The following THSD7B variants were observed in gnomAD, a reference collection of about 807,000 sequenced individuals.
THSD7B encodes the protein thrombospondin type-1 domain-containing protein 7B.
In THSD7B, 138 loss-of-function variants were observed where a neutral mutation model predicts 213.6. That is an observed-to-expected ratio of 0.65 (90% CI 0.56 to 0.74). THSD7B has a LOEUF of 0.74. Among genes scored for constraint, THSD7B ranks in the 30% least tolerant of loss-of-function variants. The pLI is 0.00. For synonymous variants in THSD7B, 742 were observed against 687.0 expected (o/e 1.08, Z -1.25); for missense variants, 1,931 against 1,991.5 (o/e 0.97, Z 0.58).
At chr2:136,769,769 C>T (rs1422233836) in intron 1 of THSD7B, among the ~76,000 whole-genome samples, 3 of 152,112 alleles carry the variant, frequency 2.0e-5, no homozygotes, top group African/African-American at 7.2e-5. Flanking sequence ...AAGAGGTCCA[C>T]CTACTAGAAA....
intron 12 of THSD7B, among the ~76,000 whole-genome samples, chr2:137,360,131 C>G (rs530690098): frequency 1.3e-5 from 2 of 152,104 alleles, no homozygotes; most frequent in Non-Finnish European, 2.9e-5. Context: ...GTAACAGGGT[C>G]CTCGGAAACC....
chr2:137,675,855 G>T (rs72844597), intron 27 of THSD7B, among the ~76,000 whole-genome samples: 10,898 of 152,110 alleles, frequency 0.072, 564 homozygotes, highest in South Asian at 0.16. Context: ...TACAAGTTAA[G>T]ATTTCCCCAT....
chr2:136,817,118 A>T (rs543941870), intron 1 of THSD7B, among the ~76,000 whole-genome samples: 1 of 152,220 alleles, frequency 6.6e-6, no homozygotes, highest in African/African-American at 2.4e-5. Flanking sequence ...TAGCAGTAAC[A>T]TGCTGACCGG....
chr2:137,567,396 T>A (rs1412169336), intron 16 of THSD7B, among the ~76,000 whole-genome samples: 1 of 151,980 alleles, frequency 6.6e-6, no homozygotes, highest in African/African-American at 2.4e-5. Context: ...TGAACTCTTG[T>A]CCTCAAGTGA....
intron 2 of THSD7B, among the ~76,000 whole-genome samples, chr2:137,017,556 T>C (rs62170961): frequency 0.089 from 13,483 of 152,164 alleles, 619 homozygotes; most frequent in Middle Eastern, 0.12. Flanking sequence ...ACAGGGATGA[T>C]ATTTGGGTTG....
chr2:137,393,820 CTGT>C (rs1490936166), intron 12 of THSD7B, among the ~76,000 whole-genome samples: 6 of 141,464 alleles, frequency 4.2e-5, no homozygotes, highest in Non-Finnish European at 7.9e-5. Context: ...TCTCCAGCAC[CTGT>C]TGTTTCCTGA....
chr2:136,964,335 G>A (rs1430415155), intron 2 of THSD7B, among the ~76,000 whole-genome samples: 1 of 152,090 alleles, frequency 6.6e-6, no homozygotes, highest in Non-Finnish European at 1.5e-5. Flanking sequence ...TGAGGCAGGA[G>A]GATTGCCCGA....
At chr2:137,151,211 T>C (rs1679812668) in intron 5 of THSD7B, among the ~76,000 whole-genome samples, 1 of 152,248 alleles carries the variant, frequency 6.6e-6, no homozygotes, top group Admixed American at 6.5e-5. Context: ...CTTTTAACTC[T>C]TTTGTTATTA....
chr2:137,616,180 C>G lies in THSD7B; in HGVS notation c.3429C>G (p.Cys1143Trp). ...WGLWSKCPQS[C>W]DPHTMQRRTR... ...TCCTACTCTGATTTTAATAGTCATG[C>G]GATCCCCACACAATGCAGAGAAGAA... The change falls in exon 18 of 28, where the codon TGC becomes TGG. Residue 1143 changes from cysteine to tryptophan, a missense_variant. Cys to Trp is a radical substitution (Grantham distance 215). Coordinates refer to ENST00000409968, the MANE Select transcript of THSD7B (RefSeq NM_001316349.2). 1 of 1,611,032 alleles carries G rather than the reference C, an allele frequency of 6.2e-7. No homozygotes were observed. The highest frequency in any genetic ancestry group is 8.5e-7 in the Non-Finnish European group (1 of 1,178,954).
At chr2:136,841,630 A>G (rs569650267) in intron 1 of THSD7B, among the ~76,000 whole-genome samples, 1 of 151,842 alleles carries the variant, frequency 6.6e-6, no homozygotes, top group Non-Finnish European at 1.5e-5. Context: ...AGAAAAAGAA[A>G]TGATAAAAAT....
At chr2:137,489,077 C>G (rs1688543067) in intron 15 of THSD7B, among the ~76,000 whole-genome samples, 1 of 152,106 alleles carries the variant, frequency 6.6e-6, no homozygotes, top group Non-Finnish European at 1.5e-5. Flanking sequence ...GTCTGTTATG[C>G]TAACAAATAG....
chr2:136,957,959 A>T (rs553069798), intron 2 of THSD7B, among the ~76,000 whole-genome samples: 1 of 152,298 alleles, frequency 6.6e-6, no homozygotes, highest in East Asian at 1.9e-4. Context: ...TAAAATAGTT[A>T]TTTGTATGTA....
intron 17 of THSD7B, among the ~76,000 whole-genome samples, chr2:137,615,089 T>C (rs1682359125): frequency 6.6e-6 from 1 of 152,140 alleles, no homozygotes; most frequent in Non-Finnish European, 1.5e-5. Flanking sequence ...GTTGAAAAAC[T>C]GTGACATATA....
intron 26 of THSD7B, 45 bp from the exon 27 acceptor site, chr2:137,667,729 G>C: frequency 6.7e-7 from 1 of 1,500,380 alleles, no homozygotes; most frequent in Non-Finnish European, 9.1e-7. Flanking sequence ...AAATGCTGCA[G>C]ACTTCTGTAT....
intron 2 of THSD7B, among the ~76,000 whole-genome samples, chr2:137,046,279 C>T (rs1473040107): frequency 6.6e-6 from 1 of 152,128 alleles, no homozygotes; most frequent in African/African-American, 2.4e-5. Flanking sequence ...ACAGTGAATT[C>T]TACAATTAGA....
chr2:137,145,826 A>G (rs1679687894), intron 5 of THSD7B, among the ~76,000 whole-genome samples: 1 of 152,094 alleles, frequency 6.6e-6, no homozygotes, highest in South Asian at 2.1e-4. Context: ...TTTCAGAATC[A>G]GTGTTTATTT....
chr2:137,238,772 C>T (rs71419535), intron 9 of THSD7B, among the ~76,000 whole-genome samples: 35,252 of 149,974 alleles, frequency 0.24, 4,751 homozygotes, highest in East Asian at 0.48. Context: ...CCAGGATGGT[C>T]TCGATCTCCT....
chr2:137,661,695 G>T (rs1329397049), intron 25 of THSD7B, among the ~76,000 whole-genome samples: 2 of 152,120 alleles, frequency 1.3e-5, no homozygotes, highest in African/African-American at 4.8e-5. Context: ...AGTACACTTG[G>T]AAGAAGGCCA....
chr2:136,855,894 C>G (rs1683174084), intron 1 of THSD7B, among the ~76,000 whole-genome samples: 1 of 152,092 alleles, frequency 6.6e-6, no homozygotes, highest in Non-Finnish European at 1.5e-5. Flanking sequence ...ACTCTTTCCT[C>G]TGCCTGGATT....
Sources: gnomAD v4.1 joint callset for allele counts (sites outside exome capture counted in the v4.1 genomes callset) on GRCh38, gnomAD v4.1.1 for gene constraint, MANE v1.5 for transcripts, NCBI Gene and HGNC (gene_info 2026-07-23, HGNC 2026-07-21) for gene names.